BCL9L: variants seen among roughly 807,000 people sequenced by gnomAD.
The protein encoded by BCL9L is BCL9 like.
Under a neutral mutation model 99.4 loss-of-function variants are expected in BCL9L, and 19 were observed. The observed-to-expected ratio is 0.19, with a 90% CI of 0.13 to 0.28. The LOEUF is 0.28. Ranked by LOEUF, BCL9L falls within the 10% of genes least tolerant of loss-of-function variation. BCL9L has a pLI of 1.00. For missense variants in BCL9L, 2,023 were observed against 2,101.6 expected, an observed-to-expected ratio of 0.96 and a Z score of 0.73; for synonymous variants, 900 against 854.8, an observed-to-expected ratio of 1.05 and a Z score of -0.92.
intron 2 of BCL9L, among the ~76,000 whole-genome samples, chr11:118,916,514 C>G (rs1940967098): frequency 6.6e-6 from 1 of 152,204 alleles, no homozygotes; most frequent in Non-Finnish European, 1.5e-5. Flanking sequence ...TTCTCCCTTG[C>G]CAGCACACAG....
intron 3 of BCL9L, 133 bp from the exon 4 acceptor site, chr11:118,908,788 C>T: frequency 1.5e-6 from 1 of 684,998 alleles, no homozygotes; most frequent in Non-Finnish European, 2.4e-6. Flanking sequence ...TCAAGACCAC[C>T]ACCAGCTATT....
rs1311034859 is a variant in BCL9L at position 118,903,281 on chromosome 11, G to A, written c.704C>T (p.Pro235Leu). The A allele has an allele frequency of 1.3e-6, 2 of 1,582,834 alleles. No homozygotes were observed. ...GAAGACATATACGAACTGCGAGGGA[G>A]GCTTTCCGGGGACGCCCCCGCCCCC... ...GGGGGGVPGKPPSQFVYVFTT... is the reference protein window; with the variant it reads ...GGGGGGVPGKLPSQFVYVFTT... Residue 235 changes from proline to leucine, a missense_variant, in exon 6 of 10, where the codon CCT becomes CTT. This residue lies in a region of BCL9L where 1,116 missense variants were observed against 1,194.6 expected (regional missense o/e 0.93). Transcript: ENST00000683865. The surrounding 1 kb of genome is among the most constrained non-coding windows in gnomAD (Gnocchi z 5.6).
At position 118,908,312 on chromosome 11, in the gene BCL9L, G is replaced by A. The variant is rs1252492642; in HGVS notation, c.370C>T (p.Gln124Ter). The A allele has an allele frequency of 1.3e-6, 2 of 1,584,752 alleles. No homozygotes were observed. Among genetic ancestry groups the A allele is most frequent in the Admixed American group, 1.8e-5 (1 of 56,944 alleles). Residue 124 changes from glutamine (Q) to a stop codon, truncating the protein, a stop_gained, in exon 4 of 10, where the codon CAG becomes TAG. Transcript: ENST00000683865. LOFTEE classifies it high-confidence loss of function. ...AGGGATGGGGTCCCAGCCTCTCGCT[G>A]CTCTCCAGAGTCCACAGACACACTC... Reference protein sequence around the residue: ...DRSVSVDSGEQREAGTPSLDS... With the variant: ...DRSVSVDSGE
intron 2 of BCL9L, among the ~76,000 whole-genome samples, chr11:118,917,316 C>A (rs1391968261): frequency 6.6e-6 from 1 of 152,198 alleles, no homozygotes; most frequent in Non-Finnish European, 1.5e-5. Context: ...GGATCACCAA[C>A]ATTTATTGAG....
Position 118,898,003 on chromosome 11 carries a change from CGAG to C in BCL9L, c.*409_*411del, listed in dbSNP as rs1939992167. On this transcript the variant is annotated 3_prime_UTR_variant, in exon 10 of 10. Coordinates refer to ENST00000683865, the MANE Select transcript of BCL9L (RefSeq NM_001378213.1). ...AGGTGGAGCTCCAGCAATGCGGACA[CGAG>C]GAGACAGGAGCAGAAGGGGCTGGGG... is the stretch of plus-strand genomic sequence containing the variant. 2.4e-6 allele frequency: 1 copy of C among 411,732 alleles called. No individual in the cohort carries two copies. Among genetic ancestry groups the C allele is most frequent in the Non-Finnish European group, 4.7e-6 (1 of 212,026 alleles). The allele number at this position is 411,732 out of a possible 1,614,324, so 25.5% of individuals were successfully genotyped here. A position where few individuals can be genotyped will look rare whatever the true frequency, so the allele number is the denominator to read the frequency against.
rs943944390 is a variant in BCL9L at position 118,912,628 on chromosome 11, C to T, written c.-76-2613G>A. Among the ~76,000 whole-genome samples, 3 of 152,288 alleles carry T rather than the reference C, an allele frequency of 2.0e-5. No homozygotes were observed. The East Asian group carries it at 5.8e-4, about 29-fold the overall frequency. ...CAGGTATGACACACCGGCTCTGCTC[C>T]ACACACAACTACCACAGGTAGGGCA... On this transcript the variant is annotated intron_variant, in intron 2 of 9. Transcript: ENST00000683865.
Position 118,903,529 on chromosome 11 carries a change from T to C in BCL9L, c.533-77A>G. 2.0e-6 allele frequency: 3 copies of C among 1,466,706 alleles called. No homozygotes were observed. Among genetic ancestry groups the C allele is most frequent in the Non-Finnish European group, 2.8e-6 (3 of 1,060,364 alleles). The allele number at this position is 1,466,706 out of a possible 1,614,324, so 90.9% of individuals were successfully genotyped here. ...ACCAGCTGATGCCCCCTCCCACTGA[T>C]GCTCACAGCCTTACAGCTCGTGCCC... is the stretch of plus-strand genomic sequence containing the variant. On this transcript the variant is annotated intron_variant, in intron 5 of 9. Coordinates refer to ENST00000683865, the MANE Select transcript of BCL9L (RefSeq NM_001378213.1). The surrounding 1 kb of genome is among the most constrained non-coding windows in gnomAD (Gnocchi z 5.6).
chr11:118,923,608 G>A (rs1454634324), intron 1 of BCL9L, among the ~76,000 whole-genome samples: 1 of 152,078 alleles, frequency 6.6e-6, no homozygotes. Flanking sequence ...ACCAGTCATG[G>A]GACCCCTTCT....
chr11:118,899,827 C>A, intron 9 of BCL9L, 90 bp downstream of exon 9: 1 of 1,480,202 alleles, frequency 6.8e-7, no homozygotes, highest in Non-Finnish European at 9.0e-7. Context: ...CCTTCAGAGG[C>A]ACAAAAAAGC....
chr11:118,920,839 C>A (rs1414152784), intron 1 of BCL9L, among the ~76,000 whole-genome samples: 1 of 152,168 alleles, frequency 6.6e-6, no homozygotes, highest in African/African-American at 2.4e-5. Flanking sequence ...AGCCTTGGCC[C>A]CACTCCAGGA....
Position 118,902,305 on chromosome 11 carries a change from C to T in BCL9L, c.1438G>A (p.Gly480Arg). 6.4e-7 allele frequency: 1 copy of T among 1,569,398 alleles called. No homozygotes were observed. The highest frequency in any genetic ancestry group is 8.6e-7 in the Non-Finnish European group (1 of 1,157,056). The change falls in exon 8 of 10, where the codon GGG becomes AGG. Residue 480 changes from glycine to arginine, a missense_variant. Gly to Arg is a moderately radical substitution (Grantham distance 125). Coordinates refer to ENST00000683865, the MANE Select transcript of BCL9L (RefSeq NM_001378213.1). The surrounding 1 kb of genome is among the most constrained non-coding windows in gnomAD (Gnocchi z 7.8). ...QSMISQTQSLGGPPLEHEVPG... is the reference protein window; with the variant it reads ...QSMISQTQSLRGPPLEHEVPG... ...ACTTCATGCTCCAGCGGGGGGCCCCCTAGGCTCTGTGTCTGTGAAATCATG... is the reference window on the plus strand; with the variant it reads ...ACTTCATGCTCCAGCGGGGGGCCCCTTAGGCTCTGTGTCTGTGAAATCATG...
Position 118,901,252 on chromosome 11 carries a change from C to A in BCL9L, c.2491G>T (p.Gly831Cys). Residue 831 changes from glycine to cysteine, a missense_variant, in exon 8 of 10, where the codon GGC becomes TGC. By Grantham distance (159) the Gly-to-Cys change is radical (BLOSUM62 -3). This residue lies in a region of BCL9L where 1,116 missense variants were observed against 1,194.6 expected (regional missense o/e 0.93). Transcript: ENST00000683865. This position sits in a 1 kb window ranked among gnomAD's most constrained non-coding sequence, Gnocchi z 6.6. ...GAAGGCATCAGCATCTTCTGCGGGCCGCCCATCACGCCACTGCTGTTCTGG... is the reference window on the plus strand; with the variant it reads ...GAAGGCATCAGCATCTTCTGCGGGCAGCCCATCACGCCACTGCTGTTCTGG... ...RAQNSSGVMG[G>C]PQKMLMPSQF... 6.2e-7 allele frequency: 1 copy of A among 1,614,036 alleles called. No homozygotes were observed. Among genetic ancestry groups the A allele is most frequent in the Middle Eastern group, 1.6e-4 (1 of 6,062 alleles).
intron 9 of BCL9L, 114 bp from the exon 10 acceptor site, chr11:118,899,622 C>A (rs1382904164): frequency 5.2e-6 from 7 of 1,337,272 alleles, no homozygotes; most frequent in Non-Finnish European, 7.2e-6. Flanking sequence ...AAAGTCTTCA[C>A]CACTGGCTTC....
At position 118,897,767 on chromosome 11, in the gene BCL9L, T is replaced by G. The variant is rs76879408; in HGVS notation, c.*648A>C. 2.2e-6 allele frequency: 1 copy of G among 451,702 alleles called. No individual in the cohort carries two copies. The highest frequency in any genetic ancestry group is 4.4e-6 in the Non-Finnish European group (1 of 225,760). The allele number at this position is 451,702 out of a possible 1,614,324, so 28.0% of individuals were successfully genotyped here. On this transcript the variant is annotated 3_prime_UTR_variant, in exon 10 of 10. Coordinates refer to ENST00000683865, the MANE Select transcript of BCL9L (RefSeq NM_001378213.1). Reference sequence around the variant, plus strand: ...AGGGTTTCTTTTATCCTTTTTTTTTTGTGTGACTTCTATCAAAACACAGAA... The same window carrying G: ...AGGGTTTCTTTTATCCTTTTTTTTTGGTGTGACTTCTATCAAAACACAGAA...
rs930828674 is a variant in BCL9L, at chr11:118,897,556, T to G, written c.*859A>C. 8.6e-6 allele frequency: 3 copies of G among 349,366 alleles called. No individual in the cohort carries two copies. Among genetic ancestry groups the G allele is most frequent in the African/African-American group, 2.2e-5 (1 of 46,252 alleles). 21.6% of individuals were successfully genotyped at this position (349,366 alleles called of 1,614,324 possible). The stretch of plus-strand genomic sequence containing the variant: ...CTCAGCCCTGCTAGGGCTCACCAGG[T>G]GGAAGCCTAGGTGGTCTGACCTCAG... On this transcript the variant is annotated 3_prime_UTR_variant, in exon 10 of 10. Transcript: ENST00000683865.
Position 118,898,108 on chromosome 11 carries a change from C to A in BCL9L, c.*307G>T. The A allele has an allele frequency of 3.9e-6, 2 of 516,730 alleles. No homozygotes were observed. Among genetic ancestry groups the A allele is most frequent in the Non-Finnish European group, 3.5e-6 (1 of 284,108 alleles). 32.0% of individuals were successfully genotyped at this position (516,730 alleles called of 1,614,324 possible). On this transcript the variant is annotated 3_prime_UTR_variant, in exon 10 of 10. Coordinates refer to ENST00000683865, the MANE Select transcript of BCL9L (RefSeq NM_001378213.1). Reference sequence around the variant, plus strand: ...AAAAGCATAGCTGAAGGGGGTGTGGCGGGTGCAGGGATGCACGGAAAGAGG... The same window carrying A: ...AAAAGCATAGCTGAAGGGGGTGTGGAGGGTGCAGGGATGCACGGAAAGAGG...
intron 1 of BCL9L, among the ~76,000 whole-genome samples, chr11:118,923,025 C>A (rs1267156232): frequency 2.0e-5 from 3 of 152,098 alleles, no homozygotes; most frequent in African/African-American, 7.2e-5. Flanking sequence ...TCCTATTGGA[C>A]TCCCTGGAGG....
At position 118,901,291 on chromosome 11, in the gene BCL9L, C is replaced by A. The variant is rs375686375; in HGVS notation, c.2452G>T (p.Ala818Ser). Residue 818 changes from alanine (A) to serine (S), a missense_variant, in exon 8 of 10, where the codon GCC becomes TCC. Coordinates refer to ENST00000683865, the MANE Select transcript of BCL9L (RefSeq NM_001378213.1). The surrounding 1 kb of genome is among the most constrained non-coding windows in gnomAD (Gnocchi z 6.6). ...CTGCTGTTCTGGGCCCGAACCCGGG[C>A]CATCTCCTCAGGACTGAGGCCCTGG... ...GPQGLSPEEM[A>S]RVRAQNSSGV... is the part of the protein sequence containing the mutation. 5 of 1,614,004 alleles carry A rather than the reference C, an allele frequency of 3.1e-6. No individual in the cohort carries two copies. Among genetic ancestry groups the A allele is most frequent in the Non-Finnish European group, 4.2e-6 (5 of 1,179,996 alleles).
rs550676925 is a variant in BCL9L at position 118,904,401 on chromosome 11, T to C, written c.533-949A>G. On this transcript the variant is annotated intron_variant, in intron 5 of 9. Transcript: ENST00000683865. ...GTTGCAGTGAGCCGAGATCACACCATTGCACTCTAGCCAGGGCGACAGAGC... is the reference window on the plus strand; with the variant it reads ...GTTGCAGTGAGCCGAGATCACACCACTGCACTCTAGCCAGGGCGACAGAGC... Among the ~76,000 whole-genome samples, 12 of 152,096 alleles carry C rather than the reference T, an allele frequency of 7.9e-5. No homozygotes were observed. In the East Asian group the frequency reaches 2.3e-3, roughly 29 times the overall value.
Sources: gnomAD v4.1 joint callset for allele counts (sites outside exome capture counted in the v4.1 genomes callset) on GRCh38, gnomAD v4.1.1 for gene constraint, gnomAD v4.1.1 regional missense constraint, Gnocchi (gnomAD v3.1) non-coding constraint, MANE v1.5 for transcripts, NCBI Gene and HGNC (gene_info 2026-07-23, HGNC 2026-07-21) for gene names.